The following INSL6 variants were observed in gnomAD, a reference collection of about 807,000 sequenced individuals.
INSL6 encodes insulin-like peptide INSL6.
Under a neutral mutation model 9.4 loss-of-function variants are expected in INSL6, and 16 were observed. That is an observed-to-expected ratio of 1.70 (90% CI 1.15 to 2.59). INSL6 has a LOEUF of 2.59. INSL6 is among the 30% of genes most tolerant of loss of function. The pLI, the probability that INSL6 is intolerant of heterozygous loss-of-function variation, is 0.00. For missense variants in INSL6, 391 were observed against 257.3 expected, an observed-to-expected ratio of 1.52 and a Z score of -3.56; for synonymous variants, 154 against 96.9, an observed-to-expected ratio of 1.59 and a Z score of -3.46.
intron 1 of INSL6, among the ~76,000 whole-genome samples, chr9:5,182,187 A>T (rs959040502): frequency 6.6e-6 from 1 of 152,154 alleles, no homozygotes; most frequent in African/African-American, 2.4e-5. Context: ...AACTGAATAA[A>T]TCAGTAAAAT....
the INSL6 span, among the ~76,000 whole-genome samples, chr9:5,045,057 TG>T: frequency 2.6e-5 from 4 of 152,236 alleles, no homozygotes; most frequent in East Asian, 7.7e-4. Flanking sequence ...GTCAAATTTT[TG>T]TATTGTGTTG....
At chr9:5,101,335 G>A in the INSL6 span, among the ~76,000 whole-genome samples, 5 of 152,350 alleles carry the variant, frequency 3.3e-5, no homozygotes, top group East Asian at 3.9e-4. Context: ...GCGGAGGGGC[G>A]TCCGCCATTG....
downstream of INSL6, among the ~76,000 whole-genome samples, chr9:5,123,486 C>T (rs908142282): frequency 2.0e-5 from 3 of 151,910 alleles, no homozygotes; most frequent in African/African-American, 4.8e-5. Flanking sequence ...TAATTTCATT[C>T]GTTGTTATGG....
At chr9:4,997,617 A>G in the INSL6 span, among the ~76,000 whole-genome samples, 1 of 152,206 alleles carries the variant, frequency 6.6e-6, no homozygotes, top group Non-Finnish European at 1.5e-5. Context: ...GCAACACATG[A>G]AATTTAAAGG....
chr9:5,054,828 G>A, the INSL6 span: 5 of 1,611,992 alleles, frequency 3.1e-6, no homozygotes, highest in African/African-American at 4.0e-5. The surrounding 1 kb of genome is among the most constrained non-coding windows in gnomAD (Gnocchi z 4.9). Flanking sequence ...AACTGGAAAC[G>A]GTGGAATTCA....
the INSL6 span, among the ~76,000 whole-genome samples, chr9:5,023,648 A>G: frequency 3.3e-5 from 5 of 152,056 alleles, no homozygotes; most frequent in African/African-American, 7.2e-5. Flanking sequence ...CTTCTTGCCA[A>G]TCCCGGCTGG....
In INSL6 at chr9:5,143,419, G is replaced by C. The variant is rs2890619; in HGVS notation, c.377-9827C>G. Among the ~76,000 whole-genome samples the C allele has an allele frequency of 5.1e-3, 778 of 151,962 alleles. 40 individuals carry two copies. The highest frequency in any genetic ancestry group is 0.044 in the Admixed American group (669 of 15,256). ...TTTCTTCCTTGTTCAGTCTAGGGAG[G>C]GGGTATGTATCCAGGAATTTATCCA... On this transcript the variant is annotated intron_variant, in intron 2 of 3. Coordinates refer to the INSL6 transcript ENST00000649639.
the INSL6 span, among the ~76,000 whole-genome samples, chr9:5,071,290 A>G: frequency 6.6e-6 from 1 of 152,212 alleles, no homozygotes. Context: ...ATTTAGAAAC[A>G]TACAAGGAAA....
At chr9:5,112,844 G>A in the INSL6 span, 329,322 of 513,846 alleles carry the variant, frequency 0.64, 110,915 homozygotes, top group African/African-American at 0.88. Context: ...CGCTGGGCAC[G>A]TGTGAAAGGT....
the INSL6 span, among the ~76,000 whole-genome samples, chr9:5,095,748 C>G: frequency 9.2e-5 from 14 of 152,158 alleles, no homozygotes; most frequent in Admixed American, 9.2e-4. Flanking sequence ...AAACACAATT[C>G]TGCAAAATCT....
the INSL6 span, among the ~76,000 whole-genome samples, chr9:5,066,999 G>A: frequency 6.6e-6 from 1 of 151,962 alleles, no homozygotes; most frequent in Non-Finnish European, 1.5e-5. Context: ...AATTTATAAT[G>A]TCTATCTTTT....
At chr9:5,089,883 C>CTATT in the INSL6 span, 1 of 1,428,746 alleles carries the variant, frequency 7.0e-7, no homozygotes. Context: ...CCATTGAAAC[C>CTATT]TATTTTAAAT....
chr9:5,069,090 T>C, the INSL6 span: 1 of 1,611,536 alleles, frequency 6.2e-7, no homozygotes, highest in Non-Finnish European at 8.5e-7. Flanking sequence ...ACAACCTCAG[T>C]GGGACAAAGA....
intron 1 of INSL6, among the ~76,000 whole-genome samples, chr9:5,181,108 G>C (rs908762472): frequency 5.3e-5 from 8 of 152,084 alleles, no homozygotes; most frequent in Non-Finnish European, 1.2e-4. Context: ...AAATATTGGG[G>C]GCGGGTTCCC....
the INSL6 span, chr9:5,072,419 T>G: frequency 7.9e-6 from 9 of 1,137,026 alleles, no homozygotes; most frequent in Non-Finnish European, 1.1e-5. Context: ...TCTTCCTCAT[T>G]GAATGTATTT....
At chr9:5,092,997 A>C in the INSL6 span, among the ~76,000 whole-genome samples, 1 of 152,202 alleles carries the variant, frequency 6.6e-6, no homozygotes, top group Admixed American at 6.5e-5. Context: ...AAAGTGTTCA[A>C]GCTCAACATC....
the INSL6 span, chr9:5,111,683 G>A: frequency 2.4e-6 from 1 of 425,324 alleles, no homozygotes; most frequent in Middle Eastern, 5.7e-4. Context: ...TGTGGGCAGT[G>A]GCGGAGGCAG....
chr9:5,029,166 A>C, the INSL6 span, among the ~76,000 whole-genome samples: 2 of 152,192 alleles, frequency 1.3e-5, no homozygotes, highest in Admixed American at 1.3e-4. Flanking sequence ...GAATGCCTAG[A>C]GGCCATTGTA....
At chr9:5,067,576 T>G in the INSL6 span, among the ~76,000 whole-genome samples, 73 of 152,166 alleles carry the variant, frequency 4.8e-4, no homozygotes, top group Non-Finnish European at 8.8e-4. Flanking sequence ...TGTGTAAAAC[T>G]GGTAATCTAT....
Sources: gnomAD v4.1 joint callset for allele counts (sites outside exome capture counted in the v4.1 genomes callset) on GRCh38, gnomAD v4.1.1 for gene constraint, Gnocchi (gnomAD v3.1) non-coding constraint, MANE v1.5 for transcripts, NCBI Gene and HGNC (gene_info 2026-07-23, HGNC 2026-07-21) for gene names.